The following ANKRD28 variants were observed in gnomAD, a reference collection of about 807,000 sequenced individuals.
The protein encoded by ANKRD28 is ankyrin repeat domain 28, also known as serine/threonine-protein phosphatase 6 regulatory ankyrin repeat subunit A.
ANKRD28 carries 44 observed loss-of-function variants against 126.5 expected under a neutral mutation model. The ratio of observed to expected loss-of-function variants is 0.35; its 90% CI spans 0.27 to 0.45. ANKRD28 has a LOEUF of 0.45. Ranked by LOEUF, ANKRD28 falls within the 20% of genes least tolerant of loss-of-function variation. ANKRD28 has a pLI of 1.00. For synonymous variants in ANKRD28, 442 were observed against 468.5 expected, an observed-to-expected ratio of 0.94 and a Z score of 0.73; for missense variants, 1,110 against 1,316.6, an observed-to-expected ratio of 0.84 and a Z score of 2.43.
rs547070140 is a variant in ANKRD28 at position 15,814,335 on chromosome 3, G to T, written c.28-19029C>A. 199 of 1,238,218 alleles carry T rather than the reference G, an allele frequency of 1.6e-4. No individual in the cohort carries two copies. The highest frequency in any genetic ancestry group is 2.0e-4 in the Non-Finnish European group (193 of 952,024). The allele number at this position is 1,238,218 out of a possible 1,614,324, so 76.7% of individuals were successfully genotyped here. On this transcript the variant is annotated intron_variant, in intron 1 of 27. Coordinates refer to the ANKRD28 transcript ENST00000399451. The surrounding 1 kb of genome is among the most constrained non-coding windows in gnomAD (Gnocchi z 4.7). ...CTGTAGCAGAAAACAGATATCAAAA[G>T]AAAGAATACGCTGATCCTAGAAATT... is the stretch of plus-strand genomic sequence containing the variant.
chr3:15,844,465 AC>A (rs2125980204), intron 1 of ANKRD28, among the ~76,000 whole-genome samples: 1 of 152,162 alleles, frequency 6.6e-6, no homozygotes, highest in East Asian at 1.9e-4. Flanking sequence ...AAAACAAAAC[AC>A]CTCAATTTCA....
chr3:15,800,154 G>A (rs1559555158), upstream of ANKRD28, among the ~76,000 whole-genome samples: 1 of 151,940 alleles, frequency 6.6e-6, no homozygotes, highest in Non-Finnish European at 1.5e-5. Flanking sequence ...TGTGTCCTTG[G>A]ACAAACCACT....
Position 15,670,472 on chromosome 3 carries a change from G to C in ANKRD28, c.3050C>G (p.Ser1017Ter). ...ALILATMMPV[S>*]SSSPLSSLTF... ...TAAGGATGATAAAGGACTACTTGAT[G>C]AGACAGGCATCATGGTGGCCAAAAT... The change falls in exon 28 of 28, where the codon TCA (serine) becomes TGA (stop). Residue 1017 changes from serine (S) to a stop codon, truncating the protein, a stop_gained. Coordinates refer to ENST00000683139, the MANE Select transcript of ANKRD28 (RefSeq NM_001349278.2). LOFTEE classifies it high-confidence loss of function. 1 of 1,614,002 alleles carries C rather than the reference G, an allele frequency of 6.2e-7. No individual in the cohort carries two copies. The highest frequency in any genetic ancestry group is 8.5e-7 in the Non-Finnish European group (1 of 1,179,874).
intron 2 of ANKRD28, among the ~76,000 whole-genome samples, chr3:15,788,942 G>A (rs2059904669): frequency 1.3e-5 from 2 of 152,062 alleles, no homozygotes; most frequent in Admixed American, 1.3e-4. Flanking sequence ...AAGTTAACAG[G>A]ATTCACTCAA....
intron 2 of ANKRD28, among the ~76,000 whole-genome samples, chr3:15,784,600 C>CAACCAATA (rs1575668805): frequency 2.5e-5 from 1 of 39,346 alleles, no homozygotes; most frequent in Non-Finnish European, 5.7e-5. Context: ...GAAGAATGGA[C>CAACCAATA]GACCAATGGT....
At chr3:15,676,100 C>G (rs2066907282) in intron 26 of ANKRD28, 111 bp from the exon 27 acceptor site, 1 of 788,598 alleles carries the variant, frequency 1.3e-6, no homozygotes, top group African/African-American at 1.7e-5. Context: ...CCAAGAGGTA[C>G]AAACTCGAGA....
At chr3:15,750,262 AAT>A (rs2057776621) in intron 4 of ANKRD28, among the ~76,000 whole-genome samples, 1 of 152,266 alleles carries the variant, frequency 6.6e-6, no homozygotes, top group South Asian at 2.1e-4. Context: ...GGCTAACATT[AAT>A]ATGTTCCAAT....
rs1328924840 is a variant in ANKRD28, at chr3:15,838,433, C to T, written c.27+20944G>A. On this transcript the variant is annotated intron_variant, in intron 1 of 27. Transcript: ENST00000399451. The surrounding 1 kb of genome is among the most constrained non-coding windows in gnomAD (Gnocchi z 4.0). The stretch of plus-strand genomic sequence containing the variant: ...AACATAAGCTTATTATACGACCCAG[C>T]GATTCTACTCAAGAATCTTTGTGGC... 1.3e-5 allele frequency among the ~76,000 whole-genome samples: 2 copies of T among 152,024 alleles called. No homozygotes were observed. The highest frequency in any genetic ancestry group is 2.9e-5 in the Non-Finnish European group (2 of 67,994).
exon 1 of ANKRD28, chr3:15,859,707 C>CGCCGCT (rs1418358463): frequency 1.9e-5 from 3 of 155,684 alleles, no homozygotes; most frequent in African/African-American, 7.3e-5. Flanking sequence ...CTGCCCTACC[C>CGCCGCT]GCCGCTGCCG....
rs2060819722 is a variant in ANKRD28, at chr3:15,815,769, ATTTC to A, written c.28-20467_28-20464del. On this transcript the variant is annotated intron_variant, in intron 1 of 27. Coordinates refer to the ANKRD28 transcript ENST00000399451. The surrounding 1 kb of genome is among the most constrained non-coding windows in gnomAD (Gnocchi z 4.1). Reference sequence around the variant, plus strand: ...ATAGTTCTAAACATAAAAATCTGTTATTTCTTCCCTTGTCAAAATTATTTATGAA... The same window carrying A: ...ATAGTTCTAAACATAAAAATCTGTTATTCCCTTGTCAAAATTATTTATGAA... 6.6e-6 allele frequency among the ~76,000 whole-genome samples: 1 copy of A among 152,142 alleles called. No homozygotes were observed.
At chr3:15,855,978 T>A (rs372313259) in intron 1 of ANKRD28, among the ~76,000 whole-genome samples, 5 of 152,244 alleles carry the variant, frequency 3.3e-5, no homozygotes, top group Admixed American at 2.6e-4. Flanking sequence ...CACTGGCTGT[T>A]TTATCTAGAA....
At chr3:15,686,623 C>G (rs2068158744) in intron 18 of ANKRD28, among the ~76,000 whole-genome samples, 1 of 152,124 alleles carries the variant, frequency 6.6e-6, no homozygotes. Context: ...TGCCTTGACT[C>G]CAGCAAAGGG....
upstream of ANKRD28, among the ~76,000 whole-genome samples, chr3:15,802,934 T>C (rs1441540254): frequency 6.6e-6 from 1 of 152,000 alleles, no homozygotes; most frequent in Non-Finnish European, 1.5e-5. Context: ...CACAAATAAA[T>C]ACTATATGAC....
Position 15,817,733 on chromosome 3 carries a change from G to C in ANKRD28, c.28-22427C>G, listed in dbSNP as rs2060861162. ...CCTAAGATGAGATACAAGCAAGAAT[G>C]CCTGCTCTTAATCACTCTTACTTAA... On this transcript the variant is annotated intron_variant, in intron 1 of 27. Transcript: ENST00000399451. The surrounding 1 kb of genome is among the most constrained non-coding windows in gnomAD (Gnocchi z 4.5). Among the ~76,000 whole-genome samples the C allele has an allele frequency of 1.3e-5, 2 of 152,098 alleles. No homozygotes were observed. The highest frequency in any genetic ancestry group is 2.9e-5 in the Non-Finnish European group (2 of 68,012).
intron 4 of ANKRD28, among the ~76,000 whole-genome samples, chr3:15,748,825 C>G (rs1396009902): frequency 6.6e-6 from 1 of 152,102 alleles, no homozygotes; most frequent in Non-Finnish European, 1.5e-5. Flanking sequence ...TCAGGAACAC[C>G]AACTATTCTC....
At position 15,796,616 on chromosome 3, in the gene ANKRD28, C is replaced by G. The variant is rs996325629; in HGVS notation, c.-95G>C. The G allele has an allele frequency of 9.1e-7, 1 of 1,097,276 alleles. No individual in the cohort carries two copies. The highest frequency in any genetic ancestry group is 1.7e-5 in the African/African-American group (1 of 59,490). The allele number at this position is 1,097,276 out of a possible 1,614,324, so 68.0% of individuals were successfully genotyped here. A position where few individuals can be genotyped will look rare whatever the true frequency, so the allele number is the denominator to read the frequency against. On this transcript the variant is annotated 5_prime_UTR_variant, in exon 1 of 28. Coordinates refer to ENST00000683139, the MANE Select transcript of ANKRD28 (RefSeq NM_001349278.2). ...TTCCTCCTCTTCTGTACAACACTTA[C>G]AAACATTCTCTGAACAGCACAGCTG...
At chr3:15,724,655 G>T (rs1575401109) in intron 6 of ANKRD28, 131 bp from the exon 7 acceptor site, 2 of 863,556 alleles carry the variant, frequency 2.3e-6, no homozygotes, top group East Asian at 2.7e-5. Flanking sequence ...AATGAATCAT[G>T]TTAACTTGAG....
intron 3 of ANKRD28, among the ~76,000 whole-genome samples, chr3:15,758,987 G>C (rs1447512131): frequency 6.6e-6 from 1 of 152,220 alleles, no homozygotes; most frequent in African/African-American, 2.4e-5. Flanking sequence ...TCTAAGGTCT[G>C]AGGTACTGCT....
chr3:15,801,056 A>G (rs987888454), upstream of ANKRD28, among the ~76,000 whole-genome samples: 2 of 152,086 alleles, frequency 1.3e-5, no homozygotes, highest in Admixed American at 6.6e-5. The surrounding 1 kb of genome is among the most constrained non-coding windows in gnomAD (Gnocchi z 4.9). Flanking sequence ...TTTTCCACTT[A>G]GAGAAATATC....
Sources: gnomAD v4.1 joint callset for allele counts (sites outside exome capture counted in the v4.1 genomes callset) on GRCh38, gnomAD v4.1.1 for gene constraint, Gnocchi (gnomAD v3.1) non-coding constraint, MANE v1.5 for transcripts, NCBI Gene and HGNC (gene_info 2026-07-23, HGNC 2026-07-21) for gene names.